The following AFF1 variants were observed in gnomAD, a reference collection of about 807,000 sequenced individuals.
The protein encoded by AFF1 is ALF transcription elongation factor 1, also known as AF4/FMR2 family member 1.
AFF1 carries 48 observed loss-of-function variants against 121.7 expected under a neutral mutation model. That is an observed-to-expected ratio of 0.39 (90% confidence interval 0.31 to 0.50). AFF1 has a LOEUF of 0.50. Among genes scored for constraint, AFF1 ranks in the 20% least tolerant of loss-of-function variants. AFF1 has a pLI of 0.76. For missense variants in AFF1, 1,523 were observed against 1,511.7 expected (o/e 1.01, Z -0.12); for synonymous variants, 613 against 563.0 (o/e 1.09, Z -1.26).
chr4:87,046,094 GT>G, intron 2 of AFF1, 71 bp from the exon 3 acceptor site: 7 of 1,576,374 alleles, frequency 4.4e-6, no homozygotes, highest in Non-Finnish European at 5.2e-6. Context: ...CTTCTCACAT[GT>G]AAGTATGCCT....
At chr4:87,096,673 G>C (rs1340987735) in intron 8 of AFF1, among the ~76,000 whole-genome samples, 1 of 152,020 alleles carries the variant, frequency 6.6e-6, no homozygotes, top group Non-Finnish European at 1.5e-5. Flanking sequence ...TCAGCCTCCT[G>C]AGTAGCTAGG....
intron 2 of AFF1, among the ~76,000 whole-genome samples, chr4:87,021,827 G>A (rs1386802461): frequency 2.0e-5 from 3 of 152,184 alleles, no homozygotes; most frequent in African/African-American, 4.8e-5. Flanking sequence ...AAAAGGGGTT[G>A]GGATTACTTT....
At chr4:87,129,770 A>C (rs1038806970) in intron 16 of AFF1, among the ~76,000 whole-genome samples, 1 of 152,180 alleles carries the variant, frequency 6.6e-6, no homozygotes, top group African/African-American at 2.4e-5. Flanking sequence ...AGCCTAGTTC[A>C]TTCTGCTACT....
intron 2 of AFF1, among the ~76,000 whole-genome samples, chr4:87,001,977 G>A (rs996780867): frequency 6.6e-6 from 1 of 152,090 alleles, no homozygotes; most frequent in African/African-American, 2.4e-5. Flanking sequence ...CCTATGTGAC[G>A]TTTAGACCAA....
intron 12 of AFF1, among the ~76,000 whole-genome samples, chr4:87,119,965 T>C (rs1425601392): frequency 6.6e-6 from 1 of 152,204 alleles, no homozygotes; most frequent in Admixed American, 6.5e-5. Flanking sequence ...TCTTGGGTTA[T>C]TGCTCCAGAT....
At chr4:86,971,432 C>A (rs1722939128) in intron 2 of AFF1, among the ~76,000 whole-genome samples, 1 of 152,194 alleles carries the variant, frequency 6.6e-6, no homozygotes, top group African/African-American at 2.4e-5. Flanking sequence ...AGTGTCACTT[C>A]TTCCATAACA....
At chr4:87,083,883 C>T (rs111749596) in intron 4 of AFF1, among the ~76,000 whole-genome samples, 23 of 152,288 alleles carry the variant, frequency 1.5e-4, no homozygotes, top group African/African-American at 5.1e-4. Context: ...CTGCCTCTAC[C>T]TCCTGAGTAG....
chr4:87,027,826 C>G (rs562942572), intron 2 of AFF1, among the ~76,000 whole-genome samples: 6 of 115,312 alleles, frequency 5.2e-5, no homozygotes, highest in Admixed American at 2.5e-4. Context: ...GTCTCACTGT[C>G]GCCCAGACTG....
rs200604128 is a variant in AFF1 at position 87,140,849 on chromosome 4, GTT to G, written c.*5156_*5157del. 2 of 184,312 alleles carry G rather than the reference GTT, an allele frequency of 1.1e-5. No individual in the cohort carries two copies. Among genetic ancestry groups the G allele is most frequent in the Admixed American group, 6.3e-5 (1 of 15,958 alleles). 11.4% of individuals were successfully genotyped at this position (184,312 alleles called of 1,614,324 possible). The stretch of plus-strand genomic sequence containing the variant: ...ATATGTGATCTGTGAGAGAATTATA[GTT>G]TTTTTTTAGAAGAAAAATCTGCAAA... On this transcript the variant is annotated 3_prime_UTR_variant, in exon 21 of 21. Transcript: ENST00000395146.
At chr4:87,049,719 G>C (rs1171526360) in intron 4 of AFF1, 3 of 456,218 alleles carry the variant, frequency 6.6e-6, no homozygotes, top group South Asian at 4.6e-5. Flanking sequence ...GCCAGGCAGC[G>C]GCAGCTGTGG....
chr4:87,068,257 G>GCCCCCCCC lies in AFF1; in HGVS notation c.1060-15860_1060-15853dup, dbSNP rs70957204. 3.2e-4 allele frequency among the ~76,000 whole-genome samples: 39 copies of GCCCCCCCC among 120,190 alleles called. 1 individual carries two copies. The highest frequency in any genetic ancestry group is 4.5e-4 in the Non-Finnish European group (26 of 57,554). The allele number at this position is 120,190 out of a possible 152,430, so 78.8% of individuals were successfully genotyped here. A position where few individuals can be genotyped will look rare whatever the true frequency, so the allele number is the denominator to read the frequency against. ...GGGCTATAATGTAAGCATGAAAATTGCCCCCCCCCCACTCCATGAATAAAT... is the reference window on the plus strand; with the variant it reads ...GGGCTATAATGTAAGCATGAAAATTGCCCCCCCCCCCCCCCCCCACTCCATGAATAAAT... On this transcript the variant is annotated intron_variant, in intron 4 of 20. Coordinates refer to ENST00000395146, the MANE Select transcript of AFF1 (RefSeq NM_001166693.3).
rs909775787 is a variant in AFF1, at chr4:87,046,973, A to T, written c.438A>T (p.Arg146Ser). The T allele has an allele frequency of 3.1e-6, 5 of 1,614,210 alleles. No individual in the cohort carries two copies. The highest frequency in any genetic ancestry group is 4.2e-6 in the Non-Finnish European group (5 of 1,180,032). ...ISHNPKMAQP[R>S]TEPMPSLHAK... is the part of the protein sequence containing the mutation. ...ACAATCCAAAGATGGCGCAGCCAAG[A>T]ACTGAACCAATGCCAAGTCTCCATG... The change falls in exon 4 of 21, where the codon AGA (arginine) becomes AGT (serine). Residue 146 changes from arginine (R) to serine (S), a missense_variant. Coordinates refer to ENST00000395146, the MANE Select transcript of AFF1 (RefSeq NM_001166693.3).
At chr4:87,099,724 C>T (rs981502527) in intron 8 of AFF1, among the ~76,000 whole-genome samples, 1 of 152,132 alleles carries the variant, frequency 6.6e-6, no homozygotes, top group African/African-American at 2.4e-5. Flanking sequence ...ATGCTGTGTG[C>T]TTGGTGCTGC....
intron 1 of AFF1, among the ~76,000 whole-genome samples, chr4:86,945,894 C>T (rs148803638): frequency 2.1e-3 from 326 of 152,268 alleles, no homozygotes; most frequent in Non-Finnish European, 3.4e-3. Context: ...TCTTCCCTTT[C>T]CAGAAAGCTA....
intron 2 of AFF1, among the ~76,000 whole-genome samples, chr4:86,951,619 T>TTTC (rs1721333486): frequency 1.2e-4 from 4 of 33,000 alleles, no homozygotes; most frequent in African/African-American, 2.1e-4. Context: ...TTTTTTCTTT[T>TTTC]TTTCTTTTTT....
Position 87,073,250 on chromosome 4 carries a change from A to C in AFF1, c.1060-10870A>C, listed in dbSNP as rs72877997. ...CCCTTTTTCTAGACCCTAGTAATTA[A>C]CCTGATTGCTCATTACCCAGCATTA... On this transcript the variant is annotated intron_variant, in intron 4 of 20. Transcript: ENST00000395146. 1.3e-3 allele frequency among the ~76,000 whole-genome samples: 178 copies of C among 134,546 alleles called. 1 individual carries two copies. Among genetic ancestry groups the C allele is most frequent in the African/African-American group, 4.7e-3 (167 of 35,234 alleles). 88.3% of individuals were successfully genotyped at this position (134,546 alleles called of 152,430 possible).
chr4:87,125,134 C>G lies in AFF1; in HGVS notation c.2564C>G (p.Ser855Cys), dbSNP rs917053070. 1 of 1,608,870 alleles carries G rather than the reference C, an allele frequency of 6.2e-7. No homozygotes were observed. Among genetic ancestry groups the G allele is most frequent in the African/African-American group, 1.3e-5 (1 of 74,828 alleles). The change falls in exon 13 of 21, where the codon TCT (serine) becomes TGT (cysteine). Residue 855 changes from serine to cysteine, a missense_variant. By Grantham distance (112) the Ser-to-Cys change is moderately radical. This residue lies in a region of AFF1 where 905 missense variants were observed against 842.5 expected (regional missense o/e 1.07). Coordinates refer to ENST00000395146, the MANE Select transcript of AFF1 (RefSeq NM_001166693.3). ...SSSSSSHKES[S>C]KTKPSRPSSQ... ...TCTTCATCCTCCCACAAAGAATCTT[C>G]TAAAACAAAGTGAGTATAGAGATTA...
intron 12 of AFF1, among the ~76,000 whole-genome samples, chr4:87,119,073 AGGGT>A (rs1209221619): frequency 1.6e-4 from 25 of 152,202 alleles, no homozygotes; most frequent in African/African-American, 5.5e-4. Flanking sequence ...ATATCCAGTC[AGGGT>A]GGGTGGGCCT....
chr4:87,124,314 A>G (rs959951961), intron 12 of AFF1, among the ~76,000 whole-genome samples: 5 of 152,194 alleles, frequency 3.3e-5, no homozygotes, highest in African/African-American at 1.2e-4. Context: ...TACTCCCACT[A>G]AAATATTTAC....
Sources: allele counts gnomAD v4.1 joint callset (sites outside exome capture counted in the v4.1 genomes callset), GRCh38; gene constraint gnomAD v4.1.1; regional missense constraint gnomAD v4.1.1; transcripts MANE v1.5; gene names NCBI Gene and HGNC (gene_info 2026-07-23, HGNC 2026-07-21).